Variants in CDKL5 observed in about 807,000 individuals in gnomAD.
The protein encoded by CDKL5 is cyclin-dependent kinase-like 5.
Under a neutral mutation model 61.7 loss-of-function variants are expected in CDKL5, and 8 were observed. The ratio of observed to expected loss-of-function variants is 0.13; its 90% CI spans 0.08 to 0.23. The LOEUF (loss-of-function observed/expected upper bound fraction) is 0.23, where lower values mean the gene tolerates loss of function less well. Among genes scored for constraint, CDKL5 ranks in the 10% least tolerant of loss-of-function variants. The pLI is 1.00. For synonymous variants in CDKL5, 275 were observed against 272.3 expected, an observed-to-expected ratio of 1.01 and a Z score of -0.10; for missense variants, 440 against 734.5, an observed-to-expected ratio of 0.60 and a Z score of 4.63.
chrX:18,587,460 C>T (rs774236073), intron 8 of CDKL5, among the ~76,000 whole-genome samples: 24 of 111,493 alleles, frequency 2.2e-4, no homozygotes, highest in African/African-American at 7.5e-4. Context: ...TGATGCTGAG[C>T]GATGGAAGGT....
Position 18,519,623 on chromosome X carries a change from A to G in CDKL5, c.99+8769A>G, listed in dbSNP as rs947911881. Among the ~76,000 whole-genome samples, 7 of 111,605 alleles carry G rather than the reference A, an allele frequency of 6.3e-5. No individual in the cohort carries two copies. In the East Asian group the frequency reaches 2.0e-3, roughly 32 times the overall value. On this transcript the variant is annotated intron_variant, in intron 3 of 17. Coordinates refer to ENST00000623535, the MANE Select transcript of CDKL5 (RefSeq NM_001323289.2). ...AGCAGAGATGTGGAATTTGCTGGGT[A>G]CTGGGCATACAGAGACGCATATAGT...
intron 3 of CDKL5, among the ~76,000 whole-genome samples, chrX:18,557,942 T>TA (rs1400646062): frequency 8.9e-6 from 1 of 111,811 alleles, no homozygotes; most frequent in East Asian, 2.8e-4. Flanking sequence ...TTGTATTTGT[T>TA]AGTACTCATA....
intron 4 of CDKL5, among the ~76,000 whole-genome samples, chrX:18,564,810 G>A (rs1187499196): frequency 1.8e-5 from 2 of 110,612 alleles, no homozygotes; most frequent in Non-Finnish European, 3.8e-5. Context: ...TCCAAAGGCT[G>A]GTTAGAAGGC....
intron 16 of CDKL5, among the ~76,000 whole-genome samples, chrX:18,621,547 T>C (rs771396593): frequency 8.9e-6 from 1 of 111,941 alleles, no homozygotes; most frequent in African/African-American, 3.2e-5. Flanking sequence ...TGGGGTTTTT[T>C]TTTGTTTGTT....
At chrX:18,571,214 A>G (rs1320792127) in intron 4 of CDKL5, among the ~76,000 whole-genome samples, 2 of 111,260 alleles carry the variant, frequency 1.8e-5, no homozygotes, top group East Asian at 2.8e-4. Context: ...TCTTCCACCC[A>G]TACTATGCCG....
At position 18,634,278 on chromosome X, in the gene CDKL5, G is replaced by C. The variant is rs939241935; in HGVS notation, c.*5521G>C. On this transcript the variant is annotated 3_prime_UTR_variant, in exon 18 of 18. Transcript: ENST00000623535. Reference sequence around the variant, plus strand: ...ATTCCTCAGGACTTCCTTTGGTTGGGGATTTTACTTTCCCAAAAGTCTGAT... The same window carrying C: ...ATTCCTCAGGACTTCCTTTGGTTGGCGATTTTACTTTCCCAAAAGTCTGAT... 8.0e-6 allele frequency: 6 copies of C among 753,755 alleles called. No homozygotes were observed. The highest frequency in any genetic ancestry group is 9.4e-6 in the Non-Finnish European group (6 of 639,154). The allele number at this position is 753,755 out of a possible 1,213,427, so 62.1% of individuals were successfully genotyped here.
Position 18,554,668 on chromosome X carries a change from G to T in CDKL5, c.100-9809G>T, listed in dbSNP as rs748481925. Among the ~76,000 whole-genome samples the T allele has an allele frequency of 2.7e-5, 3 of 110,435 alleles. No individual in the cohort carries two copies. The South Asian group carries it at 1.2e-3, about 43-fold the overall frequency. ...TGACCTCAGGTGATCCGTCCGCTTC[G>T]GCCTCCCAAAGTGCTGGGATTACAG... On this transcript the variant is annotated intron_variant, in intron 3 of 17. Coordinates refer to ENST00000623535, the MANE Select transcript of CDKL5 (RefSeq NM_001323289.2).
At chrX:18,482,925 C>G (rs1163433917) in intron 1 of CDKL5, among the ~76,000 whole-genome samples, 3 of 111,716 alleles carry the variant, frequency 2.7e-5, no homozygotes, top group African/African-American at 9.7e-5. Context: ...ACTGGCAAGA[C>G]TAAAATTGTT....
chrX:18,489,531 T>A (rs1432294577), intron 1 of CDKL5, among the ~76,000 whole-genome samples: 1 of 110,795 alleles, frequency 9.0e-6, no homozygotes, highest in Non-Finnish European at 1.9e-5. Flanking sequence ...AGAACCTTGG[T>A]CTCCACAACC....
intron 15 of CDKL5, among the ~76,000 whole-genome samples, chrX:18,619,483 A>G (rs1926822962): frequency 1.8e-5 from 2 of 111,426 alleles, no homozygotes; most frequent in Admixed American, 9.6e-5. Flanking sequence ...TAAAAGGTAA[A>G]TAGAAAAATG....
intron 1 of CDKL5, among the ~76,000 whole-genome samples, chrX:18,463,694 A>G: frequency 8.9e-6 from 1 of 112,411 alleles, no homozygotes; most frequent in Admixed American, 9.5e-5. Flanking sequence ...AATCTGGGGC[A>G]AAACAGTTTA....
At chrX:18,524,331 A>G (rs1426582037) in intron 3 of CDKL5, among the ~76,000 whole-genome samples, 2 of 112,508 alleles carry the variant, frequency 1.8e-5, no homozygotes, top group Non-Finnish European at 3.8e-5. Context: ...TAAAATGCAC[A>G]GTGTTATCAC....
At chrX:18,627,605 A>T (rs1927102154) in intron 17 of CDKL5, 1 of 111,240 alleles carries the variant, frequency 9.0e-6, no homozygotes, top group Admixed American at 9.5e-5. Flanking sequence ...TCCCTCCTTG[A>T]TGCAGCACCT....
At chrX:18,547,712 C>T (rs926624681) in intron 3 of CDKL5, among the ~76,000 whole-genome samples, 2 of 111,898 alleles carry the variant, frequency 1.8e-5, no homozygotes, top group Non-Finnish European at 3.8e-5. Flanking sequence ...TGGTGATAAA[C>T]AGTTCCTCTT....
intron 3 of CDKL5, among the ~76,000 whole-genome samples, chrX:18,525,160 C>T (rs1260439260): frequency 1.8e-5 from 2 of 111,268 alleles, no homozygotes; most frequent in Admixed American, 9.6e-5. Flanking sequence ...AGTGCAGTGG[C>T]GCAATCTTGG....
intron 16 of CDKL5, among the ~76,000 whole-genome samples, chrX:18,624,250 G>A (rs940114525): frequency 2.7e-5 from 3 of 112,353 alleles, no homozygotes; most frequent in African/African-American, 6.5e-5. Flanking sequence ...TGATTAGCCA[G>A]TTATGGGCAG....
At position 18,635,175 on chromosome X, in the gene CDKL5, C is replaced by T; in HGVS notation, c.*6418C>T. On this transcript the variant is annotated 3_prime_UTR_variant, in exon 18 of 18. Coordinates refer to ENST00000623535, the MANE Select transcript of CDKL5 (RefSeq NM_001323289.2). Reference sequence around the variant, plus strand: ...CCATTTGTAAAGTGTTTCTATAACTCTTTGTATCATGTGTTGGTACATCTT... The same window carrying T: ...CCATTTGTAAAGTGTTTCTATAACTTTTTGTATCATGTGTTGGTACATCTT... 1.3e-6 allele frequency: 1 copy of T among 748,341 alleles called. No homozygotes were observed. The allele number at this position is 748,341 out of a possible 1,213,427, so 61.7% of individuals were successfully genotyped here. A position where few individuals can be genotyped will look rare whatever the true frequency, so the allele number is the denominator to read the frequency against.
At chrX:18,595,240 C>A (rs1269697209) in intron 9 of CDKL5, 108 bp from the exon 10 acceptor site, 3 of 559,846 alleles carry the variant, frequency 5.4e-6, no homozygotes, top group Non-Finnish European at 9.8e-6. Context: ...ATGAATTTGA[C>A]TGGGATTGGC....
chrX:18,502,563 A>G (rs1170916335), intron 1 of CDKL5, among the ~76,000 whole-genome samples: 3 of 110,854 alleles, frequency 2.7e-5, no homozygotes, highest in African/African-American at 9.8e-5. Flanking sequence ...ATGATATGGG[A>G]GGCCATTAGA....
Sources: allele counts gnomAD v4.1 joint callset (sites outside exome capture counted in the v4.1 genomes callset), GRCh38; gene constraint gnomAD v4.1.1; transcripts MANE v1.5; gene names NCBI Gene and HGNC (gene_info 2026-07-23, HGNC 2026-07-21).